The following TMEM117 variants were observed in gnomAD, a reference collection of about 807,000 sequenced individuals.
TMEM117 encodes transmembrane protein 117.
In TMEM117, 27 loss-of-function variants were observed where a neutral mutation model predicts 52.4. That is an observed-to-expected ratio of 0.51 (90% confidence interval 0.38 to 0.71). The LOEUF (loss-of-function observed/expected upper bound fraction) is 0.71. TMEM117 is among the 30% of genes least tolerant of loss of function. The pLI is 0.00. For missense variants in TMEM117, 556 were observed against 630.5 expected (o/e 0.88, Z 1.26); for synonymous variants, 215 against 206.3 (o/e 1.04, Z -0.36).
At chr12:43,848,236 C>A (rs1410195988) in intron 2 of TMEM117, among the ~76,000 whole-genome samples, 1 of 152,148 alleles carries the variant, frequency 6.6e-6, no homozygotes, top group Middle Eastern at 3.2e-3. Context: ...ACATCTTAAA[C>A]AACAGAAAAC....
chr12:44,265,445 G>A (rs530989544), intron 5 of TMEM117, among the ~76,000 whole-genome samples: 1 of 152,262 alleles, frequency 6.6e-6, no homozygotes, highest in Admixed American at 6.5e-5. Flanking sequence ...GTATCATAGA[G>A]AGGCAAAACT....
At chr12:43,939,481 T>G (rs1306751682) in intron 2 of TMEM117, among the ~76,000 whole-genome samples, 2 of 152,212 alleles carry the variant, frequency 1.3e-5, no homozygotes, top group Non-Finnish European at 2.9e-5. Context: ...ACAATATTAA[T>G]AATATTTCAC....
intron 2 of TMEM117, among the ~76,000 whole-genome samples, chr12:43,939,866 C>T (rs1296455667): frequency 6.6e-6 from 1 of 152,186 alleles, no homozygotes; most frequent in East Asian, 1.9e-4. Flanking sequence ...GAAGGCCTCA[C>T]AATCATGGCA....
chr12:43,887,813 A>C (rs971944124), intron 2 of TMEM117, among the ~76,000 whole-genome samples: 1 of 152,222 alleles, frequency 6.6e-6, no homozygotes, highest in Admixed American at 6.5e-5. Context: ...TGATGAGAAG[A>C]CAGATTTTAT....
intron 2 of TMEM117, among the ~76,000 whole-genome samples, chr12:43,858,786 T>C (rs549362064): frequency 6.6e-6 from 1 of 152,310 alleles, no homozygotes; most frequent in South Asian, 2.1e-4. Flanking sequence ...GTCTTTTATG[T>C]CCTTTCCACT....
the TMEM117 span, chr12:43,806,050 G>A: frequency 9.2e-6 from 14 of 1,518,556 alleles, no homozygotes; most frequent in South Asian, 1.3e-4. Context: ...GACGCAGGCC[G>A]GCAGCGCCCG....
At chr12:44,370,951 C>T (rs1482438125) in intron 6 of TMEM117, among the ~76,000 whole-genome samples, 5 of 152,144 alleles carry the variant, frequency 3.3e-5, no homozygotes, top group Non-Finnish European at 5.9e-5. Flanking sequence ...CTGGAGCTTA[C>T]ATTAATAAAC....
At chr12:44,321,184 T>A (rs1358988109) in intron 6 of TMEM117, among the ~76,000 whole-genome samples, 2 of 152,224 alleles carry the variant, frequency 1.3e-5, no homozygotes, top group Non-Finnish European at 2.9e-5. Context: ...TTAAATTTAC[T>A]GTAAGCTGTA....
chr12:44,315,729 G>A (rs750030775), intron 6 of TMEM117, among the ~76,000 whole-genome samples: 30 of 152,122 alleles, frequency 2.0e-4, no homozygotes, highest in Middle Eastern at 3.4e-3. Flanking sequence ...TTATTAATGT[G>A]GGTGCTCCGA....
intron 3 of TMEM117, among the ~76,000 whole-genome samples, chr12:44,012,934 AG>A (rs1946316903): frequency 6.6e-6 from 1 of 151,914 alleles, no homozygotes; most frequent in African/African-American, 2.4e-5. Context: ...ATAGGCCTTC[AG>A]TGATGCAGTG....
chr12:44,226,501 A>ATATGTGTGTGTGTG (rs544597294), intron 5 of TMEM117, among the ~76,000 whole-genome samples: 3 of 149,176 alleles, frequency 2.0e-5, no homozygotes, highest in African/African-American at 2.5e-5. Context: ...AAATATATAT[A>ATATGTGTGTGTGTG]TGTGTGTGTG....
At chr12:44,355,905 A>C (rs1373868447) in intron 6 of TMEM117, among the ~76,000 whole-genome samples, 1 of 152,074 alleles carries the variant, frequency 6.6e-6, no homozygotes, top group Non-Finnish European at 1.5e-5. Flanking sequence ...TCATGCTAGC[A>C]CTGGAGGGAG....
the TMEM117 span, chr12:43,805,713 AAAAT>A: frequency 9.8e-7 from 1 of 1,021,454 alleles, no homozygotes; most frequent in Admixed American, 2.2e-5. Flanking sequence ...ATTTGGAGAG[AAAAT>A]GCGGGAGAGT....
intron 3 of TMEM117, among the ~76,000 whole-genome samples, chr12:44,098,787 A>T (rs929229505): frequency 3.3e-5 from 5 of 152,126 alleles, no homozygotes; most frequent in African/African-American, 9.7e-5. Context: ...TCTAAAAGGA[A>T]TAGGTCTTAG....
intron 6 of TMEM117, among the ~76,000 whole-genome samples, chr12:44,374,638 GT>G (rs1951914843): frequency 6.6e-6 from 1 of 151,636 alleles, no homozygotes; most frequent in Admixed American, 6.6e-5. Context: ...GTGTGTGTGT[GT>G]GTGTGTGTGT....
rs34633299 is a variant in TMEM117, at chr12:44,332,712, T to TACACACACAC, written c.768+33001_768+33010dup. 3.0e-3 allele frequency among the ~76,000 whole-genome samples: 426 copies of TACACACACAC among 143,232 alleles called. 1 individual carries two copies. The highest frequency in any genetic ancestry group is 0.015 in the South Asian group (64 of 4,410). The allele number at this position is 143,232 out of a possible 152,430, so 94.0% of individuals were successfully genotyped here. The stretch of plus-strand genomic sequence containing the variant: ...AACAAATTAAACAAACTACTGTTAC[T>TACACACACAC]ACACACACACACACACACACACACA... On this transcript the variant is annotated intron_variant, in intron 6 of 7. Coordinates refer to ENST00000266534, the MANE Select transcript of TMEM117 (RefSeq NM_032256.3).
At chr12:44,125,901 T>A (rs1414203265) in intron 3 of TMEM117, among the ~76,000 whole-genome samples, 1 of 152,218 alleles carries the variant, frequency 6.6e-6, no homozygotes, top group Non-Finnish European at 1.5e-5. Flanking sequence ...TCACAGAGAT[T>A]CTCCTAATTG....
At chr12:44,050,715 C>G (rs906374894) in intron 3 of TMEM117, among the ~76,000 whole-genome samples, 5 of 152,170 alleles carry the variant, frequency 3.3e-5, no homozygotes, top group East Asian at 3.8e-4. Flanking sequence ...GTAGAAGAAC[C>G]CTTAGGAGAT....
intron 3 of TMEM117, among the ~76,000 whole-genome samples, chr12:43,947,297 T>C (rs1298435437): frequency 6.6e-6 from 1 of 152,148 alleles, no homozygotes; most frequent in Non-Finnish European, 1.5e-5. Context: ...ATTGTGTTAC[T>C]GCACTCCAGC....
Sources: allele counts gnomAD v4.1 joint callset (sites outside exome capture counted in the v4.1 genomes callset), GRCh38; gene constraint gnomAD v4.1.1; transcripts MANE v1.5; gene names NCBI Gene and HGNC (gene_info 2026-07-23, HGNC 2026-07-21).